SAMD3: variants seen among roughly 807,000 people sequenced by gnomAD.
SAMD3 encodes the protein sterile alpha motif domain containing 3, also known as sterile alpha motif domain-containing protein 3.
Under a neutral mutation model 58.5 loss-of-function variants are expected in SAMD3, and 63 were observed. The observed-to-expected ratio is 1.08, with a 90% CI of 0.88 to 1.33. The LOEUF is 1.33. SAMD3 is among the 40% of genes most tolerant of loss of function. SAMD3 has a pLI of 0.00. For synonymous variants in SAMD3, 220 were observed against 210.3 expected (o/e 1.05, Z -0.40); for missense variants, 604 against 608.4 (o/e 0.99, Z 0.08).
intron 1 of SAMD3, among the ~76,000 whole-genome samples, chr6:130,329,783 G>A (rs577235751): frequency 6.6e-6 from 1 of 152,128 alleles, no homozygotes; most frequent in Admixed American, 6.6e-5. Flanking sequence ...GCTAAAGCTG[G>A]AAATCATCAT....
Position 130,146,174 on chromosome 6 carries a change from C to CT in SAMD3, c.1030dup (p.Arg344LysfsTer13). 1 of 1,566,890 alleles carries CT rather than the reference C, an allele frequency of 6.4e-7. No individual in the cohort carries two copies. The highest frequency in any genetic ancestry group is 8.6e-7 in the Non-Finnish European group (1 of 1,158,334). On this transcript the variant is annotated frameshift_variant, in exon 10 of 12. Transcript: ENST00000439090. LOFTEE classifies it high-confidence loss of function. ...TGTTCTTGTAAGAAGTTGGAATTCT[C>CT]TGAACATCTGACAAAAGAAGAAAGC...
At chr6:130,316,662 T>C (rs548531696) in intron 1 of SAMD3, among the ~76,000 whole-genome samples, 7 of 152,234 alleles carry the variant, frequency 4.6e-5, no homozygotes, top group South Asian at 2.1e-4. Context: ...GGTGAATGCA[T>C]TGGGGTCAGA....
At chr6:130,320,110 C>T (rs1776536157) in intron 1 of SAMD3, among the ~76,000 whole-genome samples, 1 of 151,838 alleles carries the variant, frequency 6.6e-6, no homozygotes, top group Admixed American at 6.6e-5. Flanking sequence ...AGGAAAAAGG[C>T]AATAAAGAAC....
chr6:130,175,344 G>A (rs542006570), intron 8 of SAMD3, among the ~76,000 whole-genome samples: 7 of 152,234 alleles, frequency 4.6e-5, no homozygotes, highest in South Asian at 2.1e-4. Context: ...TGGAGCTCCC[G>A]ACAGCCACTT....
chr6:130,284,968 A>G (rs767258424), intron 2 of SAMD3, among the ~76,000 whole-genome samples: 2 of 152,186 alleles, frequency 1.3e-5, no homozygotes, highest in Non-Finnish European at 2.9e-5. Context: ...AAAATTCTTT[A>G]TTTGCATCTC....
At chr6:130,178,443 G>C (rs898176895) in intron 7 of SAMD3, among the ~76,000 whole-genome samples, 6 of 151,808 alleles carry the variant, frequency 4.0e-5, no homozygotes, top group Non-Finnish European at 8.8e-5. Context: ...CTGGCCAAGA[G>C]AGAAAGTGGT....
At chr6:130,169,824 G>A (rs9492472) in intron 8 of SAMD3, among the ~76,000 whole-genome samples, 27,138 of 152,036 alleles carry the variant, frequency 0.18, 3,452 homozygotes, top group African/African-American at 0.36. Flanking sequence ...CTCTTATCCC[G>A]CGGACTGACC....
intron 8 of SAMD3, among the ~76,000 whole-genome samples, chr6:130,174,157 G>T (rs1791506545): frequency 6.6e-6 from 1 of 152,150 alleles, no homozygotes; most frequent in African/African-American, 2.4e-5. Context: ...TGGCTCCCTG[G>T]CTTCAGCCTC....
chr6:130,297,960 G>T (rs1034532625), intron 2 of SAMD3, among the ~76,000 whole-genome samples: 1 of 152,170 alleles, frequency 6.6e-6, no homozygotes, highest in African/African-American at 2.4e-5. Flanking sequence ...AAACATACTT[G>T]AGGAAAAAAA....
chr6:130,265,842 G>T (rs11154548), intron 2 of SAMD3, among the ~76,000 whole-genome samples: 47,253 of 152,010 alleles, frequency 0.31, 7,725 homozygotes, highest in East Asian at 0.47. Flanking sequence ...TAATAAGTTA[G>T]AAATAGGATG....
chr6:130,259,888 T>G (rs1583018513), intron 2 of SAMD3, among the ~76,000 whole-genome samples: 1 of 152,326 alleles, frequency 6.6e-6, no homozygotes, highest in African/African-American at 2.4e-5. Context: ...AATTTTTTTT[T>G]GTTTTACTTG....
chr6:130,321,736 A>G (rs1282415939), intron 1 of SAMD3, among the ~76,000 whole-genome samples: 3 of 148,868 alleles, frequency 2.0e-5, no homozygotes, highest in Non-Finnish European at 3.0e-5. Flanking sequence ...AGCATCTTAT[A>G]TCTAGGGCCC....
At chr6:130,335,399 C>A (rs530141637) in intron 1 of SAMD3, among the ~76,000 whole-genome samples, 8 of 152,200 alleles carry the variant, frequency 5.3e-5, no homozygotes, top group Non-Finnish European at 8.8e-5. Context: ...ATGCATCTTC[C>A]TGATAGAGGG....
At chr6:130,300,598 A>G (rs889851307) in intron 2 of SAMD3, among the ~76,000 whole-genome samples, 1 of 152,212 alleles carries the variant, frequency 6.6e-6, no homozygotes, top group African/African-American at 2.4e-5. Flanking sequence ...TACCACTCCT[A>G]TTCAACATAG....
chr6:130,193,348 C>T (rs1296319248), intron 5 of SAMD3, among the ~76,000 whole-genome samples: 1 of 152,066 alleles, frequency 6.6e-6, no homozygotes, highest in Admixed American at 6.6e-5. Context: ...CTCCCCGATC[C>T]CTTATTTCTG....
intron 8 of SAMD3, among the ~76,000 whole-genome samples, chr6:130,172,208 C>T (rs1791316057): frequency 6.6e-6 from 1 of 152,188 alleles, no homozygotes; most frequent in African/African-American, 2.4e-5. Flanking sequence ...AGTCCATTTA[C>T]ATTTAAGGCT....
chr6:130,330,530 T>C (rs1776898587), intron 1 of SAMD3, among the ~76,000 whole-genome samples: 1 of 152,154 alleles, frequency 6.6e-6, no homozygotes, highest in Non-Finnish European at 1.5e-5. Flanking sequence ...AGATGGTTAG[T>C]TTAGAATAGG....
chr6:130,313,678 G>A (rs1776264658), intron 1 of SAMD3, among the ~76,000 whole-genome samples: 1 of 152,180 alleles, frequency 6.6e-6, no homozygotes, highest in Non-Finnish European at 1.5e-5. Flanking sequence ...AGAGGTAGAA[G>A]AGGGCCAGGT....
At chr6:130,319,476 A>G (rs1281434258) in intron 1 of SAMD3, among the ~76,000 whole-genome samples, 4 of 152,196 alleles carry the variant, frequency 2.6e-5, no homozygotes, top group African/African-American at 9.6e-5. Context: ...AAACTAGACA[A>G]CAGTGGAGCA....
Sources: gnomAD v4.1 joint callset for allele counts (sites outside exome capture counted in the v4.1 genomes callset) on GRCh38, gnomAD v4.1.1 for gene constraint, MANE v1.5 for transcripts, NCBI Gene and HGNC (gene_info 2026-07-23, HGNC 2026-07-21) for gene names.